Variants in PDE7B observed in about 807,000 individuals in gnomAD.
PDE7B encodes the protein phosphodiesterase 7B, also known as 3',5'-cyclic-AMP phosphodiesterase 7B.
In PDE7B, 29 loss-of-function variants were observed where a neutral mutation model predicts 56.2. The observed-to-expected ratio is 0.52, with a 90% CI of 0.38 to 0.70. PDE7B has a LOEUF of 0.70. Ranked by LOEUF, PDE7B falls within the 30% of genes least tolerant of loss-of-function variation. The probability of loss-of-function intolerance (pLI) is 0.00; values close to 1 mark genes in which losing one functional copy is unlikely to be tolerated. For synonymous variants in PDE7B, 197 were observed against 196.9 expected, an observed-to-expected ratio of 1.00 and a Z score of 0.00; for missense variants, 490 against 565.0, an observed-to-expected ratio of 0.87 and a Z score of 1.35.
intron 11 of PDE7B, 66 bp from the exon 12 acceptor site, chr6:136,186,970 T>A (rs1014627910): frequency 2.4e-6 from 2 of 847,460 alleles, no homozygotes; most frequent in African/African-American, 3.4e-5. Context: ...TCATTAAAAT[T>A]ATTAATACTC....
At chr6:135,873,781 A>C (rs1775436700) in intron 1 of PDE7B, among the ~76,000 whole-genome samples, 1 of 152,212 alleles carries the variant, frequency 6.6e-6, no homozygotes, top group Non-Finnish European at 1.5e-5. Flanking sequence ...AAAGTTTAAA[A>C]TTTTAATTGC....
intron 2 of PDE7B, among the ~76,000 whole-genome samples, chr6:136,002,052 T>C (rs1485719133): frequency 6.6e-6 from 1 of 152,158 alleles, no homozygotes; most frequent in Non-Finnish European, 1.5e-5. Context: ...TATTCGATAT[T>C]CTTAAAGAAA....
chr6:136,101,992 A>C (rs1423275776), intron 2 of PDE7B, among the ~76,000 whole-genome samples: 2 of 152,218 alleles, frequency 1.3e-5, no homozygotes, highest in African/African-American at 4.8e-5. Context: ...TATGAAGTAC[A>C]TCATGCGTAG....
At chr6:135,925,413 A>G (rs1026735423) in intron 1 of PDE7B, among the ~76,000 whole-genome samples, 4 of 152,200 alleles carry the variant, frequency 2.6e-5, no homozygotes, top group Non-Finnish European at 5.9e-5. Context: ...TTGCTGACAC[A>G]TTATTTAAAA....
chr6:135,864,890 C>T (rs1775223459), intron 1 of PDE7B, among the ~76,000 whole-genome samples: 4 of 151,704 alleles, frequency 2.6e-5, no homozygotes, highest in Admixed American at 2.6e-4. Flanking sequence ...GTGCCGCACC[C>T]ATTAACTCGT....
At chr6:136,130,802 C>T (rs1048392707) in intron 3 of PDE7B, among the ~76,000 whole-genome samples, 6 of 152,088 alleles carry the variant, frequency 3.9e-5, no homozygotes, top group Admixed American at 2.6e-4. Flanking sequence ...GGGGAGACCT[C>T]ACAATCATGG....
intron 2 of PDE7B, among the ~76,000 whole-genome samples, chr6:136,053,461 C>A (rs560235811): frequency 3.9e-4 from 59 of 152,018 alleles, no homozygotes; most frequent in African/African-American, 1.4e-3. Flanking sequence ...TCTATCATTG[C>A]TGGACATTTG....
chr6:135,899,711 T>G (rs1247196674), intron 1 of PDE7B, among the ~76,000 whole-genome samples: 1 of 152,014 alleles, frequency 6.6e-6, no homozygotes, highest in African/African-American at 2.4e-5. Flanking sequence ...TAATTTATTT[T>G]TGGATTTCTA....
intron 1 of PDE7B, among the ~76,000 whole-genome samples, chr6:135,920,363 A>G (rs1010653912): frequency 6.6e-6 from 1 of 152,172 alleles, no homozygotes; most frequent in African/African-American, 2.4e-5. Context: ...TTCTTTTTCC[A>G]TCTAAATACA....
chr6:135,902,576 A>G (rs1385199010), intron 1 of PDE7B, among the ~76,000 whole-genome samples: 2 of 152,196 alleles, frequency 1.3e-5, no homozygotes, highest in Admixed American at 6.5e-5. Context: ...ATTTCAATAT[A>G]GAAGGTTGAT....
intron 1 of PDE7B, among the ~76,000 whole-genome samples, chr6:135,885,896 CCTGTT>C (rs10544472): frequency 0.048 from 7,337 of 152,226 alleles, 252 homozygotes; most frequent in East Asian, 0.11. Context: ...CTGGCGGACT[CCTGTT>C]AATTCACAGG....
chr6:135,894,052 T>C (rs1775855662), intron 1 of PDE7B, among the ~76,000 whole-genome samples: 1 of 152,176 alleles, frequency 6.6e-6, no homozygotes, highest in South Asian at 2.1e-4. Flanking sequence ...TGATAGGTGA[T>C]GCCAGTTAAG....
intron 1 of PDE7B, among the ~76,000 whole-genome samples, chr6:135,853,883 A>G (rs529451536): frequency 6.6e-6 from 1 of 152,264 alleles, no homozygotes; most frequent in South Asian, 2.1e-4. Flanking sequence ...CTCCATAAAA[A>G]CCTAGTTAAA....
intron 2 of PDE7B, among the ~76,000 whole-genome samples, chr6:135,983,339 G>A (rs1775326410): frequency 6.6e-6 from 1 of 152,122 alleles, no homozygotes; most frequent in African/African-American, 2.4e-5. Context: ...CCATGTCCTA[G>A]CTAAAATCAT....
At position 136,100,787 on chromosome 6, in the gene PDE7B, A is replaced by G. The variant is rs550839756; in HGVS notation, c.83-7944A>G. On this transcript the variant is annotated intron_variant, in intron 2 of 12. Transcript: ENST00000308191. ...TTTCTCTTGCCTGATTGCCCTGGCC[A>G]GAACTTCCAATACTATATTGAATAG... 9.4e-4 allele frequency among the ~76,000 whole-genome samples: 143 copies of G among 152,350 alleles called. 2 individuals carry two copies. Among genetic ancestry groups the G allele is most frequent in the African/African-American group, 3.2e-3 (133 of 41,578 alleles).
At chr6:136,029,466 C>A (rs1776203412) in intron 2 of PDE7B, among the ~76,000 whole-genome samples, 1 of 152,058 alleles carries the variant, frequency 6.6e-6, no homozygotes, top group South Asian at 2.1e-4. Flanking sequence ...CCTAAGTGGA[C>A]AAAAGAATGT....
chr6:136,108,799 T>C lies in PDE7B; in HGVS notation c.151T>C (p.Phe51Leu), dbSNP rs771806749. ...ERRGSYPFIDFRLLNSTTYSG... is the reference protein window; with the variant it reads ...ERRGSYPFIDLRLLNSTTYSG... Reference sequence around the variant, plus strand: ...CCGTGGCTCCTACCCATTCATTGACTTCCGCCTACTTAACAGTGAGTAATC... The same window carrying C: ...CCGTGGCTCCTACCCATTCATTGACCTCCGCCTACTTAACAGTGAGTAATC... The change falls in exon 3 of 13, where the codon TTC (phenylalanine) becomes CTC (leucine). Residue 51 changes from phenylalanine to leucine, a missense_variant. Physicochemically the swap from Phe to Leu is conservative, Grantham distance 22. Transcript: ENST00000308191. The C allele has an allele frequency of 6.3e-7, 1 of 1,597,382 alleles. No individual in the cohort carries two copies. The highest frequency in any genetic ancestry group is 8.6e-7 in the Non-Finnish European group (1 of 1,164,816).
At chr6:136,044,445 A>G (rs979200146) in intron 2 of PDE7B, 3 of 152,208 alleles carry the variant, frequency 2.0e-5, no homozygotes, top group Admixed American at 2.0e-4. Flanking sequence ...TTAGGGACAG[A>G]TTACTCAAGA....
chr6:136,047,921 G>A (rs1034183699), intron 2 of PDE7B, among the ~76,000 whole-genome samples: 40 of 152,108 alleles, frequency 2.6e-4, no homozygotes, highest in African/African-American at 8.5e-4. Flanking sequence ...ACAATAAAGT[G>A]GAAATAATAC....
Sources: gnomAD v4.1 joint callset for allele counts (sites outside exome capture counted in the v4.1 genomes callset) on GRCh38, gnomAD v4.1.1 for gene constraint, MANE v1.5 for transcripts, NCBI Gene and HGNC (gene_info 2026-07-23, HGNC 2026-07-21) for gene names.